The following CIC variants were observed in gnomAD, a reference collection of about 807,000 sequenced individuals.
The protein encoded by CIC is capicua transcriptional repressor.
Under a neutral mutation model 115.7 loss-of-function variants are expected in CIC, and 18 were observed. The observed-to-expected ratio is 0.16, with a 90% confidence interval of 0.11 to 0.23. The LOEUF (loss-of-function observed/expected upper bound fraction) is 0.23, where lower values mean the gene tolerates loss of function less well. Ranked by LOEUF, CIC falls within the 10% of genes least tolerant of loss-of-function variation. The probability of loss-of-function intolerance (pLI) is 1.00; values close to 1 mark genes in which losing one functional copy is unlikely to be tolerated. For synonymous variants in CIC, 1,076 were observed against 923.0 expected (o/e 1.17, Z -3.01); for missense variants, 2,000 against 2,159.3 (o/e 0.93, Z 1.46).
chr19:42,293,252 C>T lies in CIC; in HGVS notation c.6493C>T (p.Arg2165Trp), dbSNP rs748515698. The T allele has an allele frequency of 1.3e-5, 20 of 1,586,934 alleles. No individual in the cohort carries two copies. Among genetic ancestry groups the T allele is most frequent in the Admixed American group, 1.1e-4 (6 of 56,698 alleles). ...CCCACTGCCCCCACCTGCTGAGGAG[C>T]GGACCAGCGCCAAGGGCCCTGAGAC... ...SPPLPPPAEE[R>W]TSAKGPETMA... The change falls in exon 16 of 21, where the codon CGG becomes TGG. Residue 2165 changes from arginine to tryptophan, a missense_variant. Physicochemically the swap from Arg to Trp is moderately radical, Grantham distance 101. This residue lies in a region of CIC where 1,466 missense variants were observed against 1,390.4 expected (regional missense o/e 1.05). Transcript: ENST00000681038.
chr19:42,292,737 C>G lies in CIC; in HGVS notation c.6074C>G (p.Pro2025Arg), dbSNP rs759377182. The G allele has an allele frequency of 5.6e-6, 9 of 1,613,820 alleles. No individual in the cohort carries two copies. Among genetic ancestry groups the G allele is most frequent in the Non-Finnish European group, 7.6e-6 (9 of 1,179,968 alleles). Residue 2025 changes from proline (P) to arginine (R), a missense_variant, in exon 15 of 21, where the codon CCA (proline) becomes CGA (arginine). By Grantham distance (103) the Pro-to-Arg change is moderately radical. Around this residue, in one of 8 missense-constraint regions of CIC, gnomAD observed 1,466 missense variants for 1,390.4 expected, o/e 1.05. Transcript: ENST00000681038. ...APLAQPSQAP[P>R]SLVYTVATST... ...CTGGCCCAGCCATCCCAGGCCCCCC[C>G]AAGCCTGGTCTACACTGTGGCCACC...
intron 12 of CIC, 28 bp downstream of exon 12, chr19:42,291,773 C>T (rs2147285440): frequency 1.9e-6 from 3 of 1,611,794 alleles, no homozygotes; most frequent in Non-Finnish European, 1.7e-6. Context: ...TCTCTACCTG[C>T]TGGATGTTGG....
Position 42,271,805 on chromosome 19 carries a change from T to C in CIC, c.22T>C (p.Cys8Arg). Residue 8 changes from cysteine to arginine, a missense_variant, in exon 2 of 21, where the codon TGC becomes CGC. Transcript: ENST00000681038. ...AAAAATGAAGCCAATGAAGAAGGCA[T>C]GCACTGGCCTTTCAGGTCCTGGCAG... is the stretch of plus-strand genomic sequence containing the variant. MKPMKKA[C>R]TGLSGPGSGS... is the part of the protein sequence containing the mutation. The C allele has an allele frequency of 5.0e-6, 2 of 398,780 alleles. No individual in the cohort carries two copies. Among genetic ancestry groups the C allele is most frequent in the Non-Finnish European group, 8.8e-6 (2 of 226,156 alleles). The allele number at this position is 398,780 out of a possible 1,614,324, so 24.7% of individuals were successfully genotyped here. A position where few individuals can be genotyped will look rare whatever the true frequency, so the allele number is the denominator to read the frequency against.
At chr19:42,281,164 C>T (rs921313298) in intron 2 of CIC, among the ~76,000 whole-genome samples, 19 of 152,002 alleles carry the variant, frequency 1.2e-4, no homozygotes, top group African/African-American at 4.3e-4. Context: ...ATGTGGAAAG[C>T]GGGTGAGGGG....
rs2036843492 is a variant in CIC, at chr19:42,273,015, C to T, written c.1232C>T (p.Pro411Leu). ...EEKHPPALGT[P>L]ALLPLPPPQL... is the part of the protein sequence containing the mutation. ...AAGCACCCTCCAGCCCTGGGTACCC[C>T]AGCCCTGCTCCCACTGCCCCCACCC... Residue 411 changes from proline (P) to leucine (L), a missense_variant, in exon 2 of 21, where the codon CCA becomes CTA. Transcript: ENST00000681038. 1 of 399,180 alleles carries T rather than the reference C, an allele frequency of 2.5e-6. No individual in the cohort carries two copies. Among genetic ancestry groups the T allele is most frequent in the Non-Finnish European group, 4.4e-6 (1 of 226,384 alleles). The allele number at this position is 399,180 out of a possible 1,614,324, so 24.7% of individuals were successfully genotyped here. A position where few individuals can be genotyped will look rare whatever the true frequency, so the allele number is the denominator to read the frequency against.
Position 42,291,092 on chromosome 19 carries a change from C to A in CIC, c.5051C>A (p.Pro1684His). ...VGTPGYGAPA[P>H]PAVQFIAQGA... ...ACCCCGGGGTATGGGGCCCCTGCGC[C>A]CCCTGCTGTCCAGTTCATTGCCCAG... Residue 1684 changes from proline (P) to histidine (H), a missense_variant, in exon 11 of 21, where the codon CCC becomes CAC. Around this residue, in one of 8 missense-constraint regions of CIC, gnomAD observed 1,466 missense variants for 1,390.4 expected, o/e 1.05. Coordinates refer to ENST00000681038, the MANE Select transcript of CIC (RefSeq NM_001386298.1). The A allele has an allele frequency of 6.2e-7, 1 of 1,613,398 alleles. No individual in the cohort carries two copies. Among genetic ancestry groups the A allele is most frequent in the Non-Finnish European group, 8.5e-7 (1 of 1,179,644 alleles).
chr19:42,290,857 G>T lies in CIC; in HGVS notation c.4816G>T (p.Ala1606Ser). 6.2e-7 allele frequency: 1 copy of T among 1,611,654 alleles called. No individual in the cohort carries two copies. Among genetic ancestry groups the T allele is most frequent in the Non-Finnish European group, 8.5e-7 (1 of 1,179,238 alleles). The change falls in exon 11 of 21, where the codon GCT becomes TCT. Residue 1606 changes from alanine to serine, a missense_variant. Around this residue, in one of 8 missense-constraint regions of CIC, gnomAD observed 1,466 missense variants for 1,390.4 expected, o/e 1.05. Coordinates refer to ENST00000681038, the MANE Select transcript of CIC (RefSeq NM_001386298.1). ...TAAGCCCTTCCCCACCTCTGGCCGG[G>T]CTGAGGCGTCTCCAAATGACACAGC... ...ASKPFPTSGRAEASPNDTAGA... is the reference protein window; with the variant it reads ...ASKPFPTSGRSEASPNDTAGA...
In CIC at chr19:42,276,787, A is replaced by G. The variant is rs373527916; in HGVS notation, c.2794+2210A>G. Among the ~76,000 whole-genome samples the G allele has an allele frequency of 6.2e-3, 935 of 151,694 alleles. 8 individuals are homozygous for G. Among genetic ancestry groups the G allele is most frequent in the African/African-American group, 0.022 (903 of 41,388 alleles). ...CCCCCATATGCCCACAACCCCCAACATGGCCCCTACAGCATTGTCTCATGT... is the reference window on the plus strand; with the variant it reads ...CCCCCATATGCCCACAACCCCCAACGTGGCCCCTACAGCATTGTCTCATGT... On this transcript the variant is annotated intron_variant, in intron 2 of 20. Transcript: ENST00000681038.
chr19:42,292,352 C>T lies in CIC; in HGVS notation c.5788C>T (p.Pro1930Ser). ...GCACGCGCTGCCCCTGGGTACCAGC[C>T]CTGCGTCCAGCCAGGCTGGAACAGT... The part of the protein sequence containing the change: ...GGHALPLGTS[P>S]ASSQAGTVTS... The change falls in exon 14 of 21, where the codon CCT becomes TCT. Residue 1930 changes from proline to serine, a missense_variant. Pro to Ser is a moderately conservative substitution (Grantham distance 74, BLOSUM62 -1). Around this residue, in one of 8 missense-constraint regions of CIC, gnomAD observed 1,466 missense variants for 1,390.4 expected, o/e 1.05. Coordinates refer to ENST00000681038, the MANE Select transcript of CIC (RefSeq NM_001386298.1). 4 of 1,613,050 alleles carry T rather than the reference C, an allele frequency of 2.5e-6. No homozygotes were observed. The highest frequency in any genetic ancestry group is 3.4e-6 in the Non-Finnish European group (4 of 1,179,912).
In CIC at chr19:42,290,402, C is replaced by T. The variant is rs150295260; in HGVS notation, c.4361C>T (p.Ser1454Leu). Reference protein sequence around the residue: ...SASSPASSSASAATSFSLGSG... With the variant: ...SASSPASSSALAATSFSLGSG... ...TCCTCGCCTGCTTCCTCCTCAGCCTCGGCAGCCACCTCCTTCTCACTGGGC... is the reference window on the plus strand; with the variant it reads ...TCCTCGCCTGCTTCCTCCTCAGCCTTGGCAGCCACCTCCTTCTCACTGGGC... Residue 1454 changes from serine (S) to leucine (L), a missense_variant, in exon 11 of 21, where the codon TCG (serine) becomes TTG (leucine). Ser to Leu is a moderately radical substitution (Grantham distance 145). Transcript: ENST00000681038. 437 of 1,613,966 alleles carry T rather than the reference C, an allele frequency of 2.7e-4. 2 individuals are homozygous for T. Among genetic ancestry groups the T allele is most frequent in the Non-Finnish European group, 3.4e-4 (399 of 1,179,976 alleles).
chr19:42,294,016 C>G lies in CIC; in HGVS notation c.6849C>G (p.Pro2283=), dbSNP rs138327774. ...GGCCTGAGGAGGTGCTGCCCTCCCCCACCCTGCAGTCTCTGGCCACCTCAC... is the reference window on the plus strand; with the variant it reads ...GGCCTGAGGAGGTGCTGCCCTCCCCGACCCTGCAGTCTCTGGCCACCTCAC... ...EFRPEEVLPS[P]TLQSLATSPR... Residue 2283 remains proline, a synonymous_variant, in exon 18 of 21, where the codon CCC becomes CCG. Transcript: ENST00000681038. The G allele has an allele frequency of 1.2e-5, 19 of 1,613,678 alleles. No individual in the cohort carries two copies. Among genetic ancestry groups the G allele is most frequent in the East Asian group, 6.7e-5 (3 of 44,874 alleles).
In CIC at chr19:42,293,675, C is replaced by T. The variant is rs759793239; in HGVS notation, c.6606C>T (p.Pro2202=). The T allele has an allele frequency of 7.4e-6, 12 of 1,612,690 alleles. No homozygotes were observed. In the Admixed American group the frequency reaches 2.0e-4, roughly 27 times the overall value. Residue 2202 remains proline, a synonymous_variant, in exon 17 of 21, where the codon CCC becomes CCT. Coordinates refer to ENST00000681038, the MANE Select transcript of CIC (RefSeq NM_001386298.1). The part of the protein sequence containing the change: ...LENRGEPPTP[P]SPAPAPAVAP... ...ATCGTGGGGAGCCTCCCACTCCTCCCAGCCCGGCCCCAGCTCCAGCTGTAG... is the reference window on the plus strand; with the variant it reads ...ATCGTGGGGAGCCTCCCACTCCTCCTAGCCCGGCCCCAGCTCCAGCTGTAG...
At chr19:42,279,124 C>T (rs898358400) in intron 2 of CIC, among the ~76,000 whole-genome samples, 49 of 152,238 alleles carry the variant, frequency 3.2e-4, no homozygotes, top group Admixed American at 3.2e-3. Flanking sequence ...AGGCAGTACC[C>T]ACCAACTATG....
In CIC at chr19:42,279,022, TC is replaced by T. The variant is rs1393195544; in HGVS notation, c.2794+4450del. Among the ~76,000 whole-genome samples, 11 of 152,160 alleles carry T rather than the reference TC, an allele frequency of 7.2e-5. No homozygotes were observed. The East Asian group carries it at 2.1e-3, about 29-fold the overall frequency. ...AGGGCATGACCCAGGTCATCCTACC[TC>T]CCCCTTTACCCCTTGCCTTTCATTT... On this transcript the variant is annotated intron_variant, in intron 2 of 20. Coordinates refer to ENST00000681038, the MANE Select transcript of CIC (RefSeq NM_001386298.1).
rs2038452591 is a variant in CIC, at chr19:42,295,515, A to G, written c.*324A>G. 2.9e-5 allele frequency: 9 copies of G among 310,772 alleles called. No individual in the cohort carries two copies. The South Asian group carries it at 5.9e-4, about 20-fold the overall frequency. 19.3% of individuals were successfully genotyped at this position (310,772 alleles called of 1,614,324 possible). A position where few individuals can be genotyped will look rare whatever the true frequency, so the allele number is the denominator to read the frequency against. On this transcript the variant is annotated 3_prime_UTR_variant, in exon 21 of 21. Coordinates refer to ENST00000681038, the MANE Select transcript of CIC (RefSeq NM_001386298.1). Reference sequence around the variant, plus strand: ...TGGAGGGTGGTGCAGGCCTTGGGCCACAGGGAGGCGCCTGTGGAATAGGGG... The same window carrying G: ...TGGAGGGTGGTGCAGGCCTTGGGCCGCAGGGAGGCGCCTGTGGAATAGGGG...
At position 42,287,461 on chromosome 19, in the gene CIC, C is replaced by T. The variant is rs768949914; in HGVS notation, c.3309+12C>T. ...GCAGCCCCAACAAGGTACTTTATCC[C>T]TGCCTGTCCTGTGCTCACCCCGTGG... On this transcript the variant is annotated intron_variant, in intron 5 of 20. Coordinates refer to ENST00000681038, the MANE Select transcript of CIC (RefSeq NM_001386298.1). The surrounding 1 kb of genome is among the most constrained non-coding windows in gnomAD (Gnocchi z 8.7). The T allele has an allele frequency of 6.8e-6, 11 of 1,612,608 alleles. No homozygotes were observed. Among genetic ancestry groups the T allele is most frequent in the African/African-American group, 5.3e-5 (4 of 74,918 alleles).
chr19:42,274,651 G>A, intron 2 of CIC, 74 bp downstream of exon 2: 1 of 398,490 alleles, frequency 2.5e-6, no homozygotes, highest in Non-Finnish European at 4.4e-6. Flanking sequence ...ACTCTTGAGA[G>A]GTGAGCTCCT....
chr19:42,270,436 C>G lies in CIC; in HGVS notation c.-11+1055C>G, dbSNP rs948453450. On this transcript the variant is annotated intron_variant, in intron 1 of 20. Coordinates refer to ENST00000681038, the MANE Select transcript of CIC (RefSeq NM_001386298.1). The surrounding 1 kb of genome is among the most constrained non-coding windows in gnomAD (Gnocchi z 4.1). ...TGGGTCCCCCAACCCTCCTAGAGGCCTCTGTTTTGGCCTCTCAGGTTCTCT... is the reference window on the plus strand; with the variant it reads ...TGGGTCCCCCAACCCTCCTAGAGGCGTCTGTTTTGGCCTCTCAGGTTCTCT... 6.6e-5 allele frequency among the ~76,000 whole-genome samples: 10 copies of G among 152,206 alleles called. No individual in the cohort carries two copies. The highest frequency in any genetic ancestry group is 2.4e-4 in the African/African-American group (10 of 41,442).
Position 42,293,700 on chromosome 19 carries a change from G to T in CIC, c.6631G>T (p.Ala2211Ser). The T allele has an allele frequency of 1.2e-6, 2 of 1,612,830 alleles. No homozygotes were observed. Among genetic ancestry groups the T allele is most frequent in the East Asian group, 2.2e-5 (1 of 44,882 alleles). Residue 2211 changes from alanine (A) to serine (S), a missense_variant, in exon 17 of 21, where the codon GCC (alanine) becomes TCC (serine). Ala to Ser is a moderately conservative substitution (Grantham distance 99). Around this residue, in one of 8 missense-constraint regions of CIC, gnomAD observed 1,466 missense variants for 1,390.4 expected, o/e 1.05. Transcript: ENST00000681038. ...CAGCCCGGCCCCAGCTCCAGCTGTA[G>T]CCCCTGGTGGCAGCAGCGAGAGCAG... ...PPSPAPAPAV[A>S]PGGSSESSSG... is the part of the protein sequence containing the mutation.
Sources: allele counts gnomAD v4.1 joint callset (sites outside exome capture counted in the v4.1 genomes callset), GRCh38; gene constraint gnomAD v4.1.1; regional missense constraint gnomAD v4.1.1; non-coding constraint Gnocchi (gnomAD v3.1); transcripts MANE v1.5; gene names NCBI Gene and HGNC (gene_info 2026-07-23, HGNC 2026-07-21).